WWOX: variants seen among roughly 807,000 people sequenced by gnomAD.
The protein encoded by WWOX is WW domain containing oxidoreductase, also known as WW domain-containing oxidoreductase.
In WWOX, 69 loss-of-function variants were observed where a neutral mutation model predicts 46.2. The observed-to-expected ratio is 1.49, with a 90% CI of 1.23 to 1.82. WWOX has a LOEUF of 1.82. Ranked by LOEUF, WWOX falls within the 40% of genes most tolerant of loss-of-function variation. WWOX has a pLI of 0.00. For missense variants in WWOX, 919 were observed against 542.6 expected (o/e 1.69, Z -6.89); for synonymous variants, 359 against 202.6 (o/e 1.77, Z -6.56).
intron 8 of WWOX, among the ~76,000 whole-genome samples, chr16:79,195,949 AGGT>A (rs1352703909): frequency 3.9e-5 from 6 of 152,206 alleles, no homozygotes; most frequent in Non-Finnish European, 1.5e-5. Flanking sequence ...TGGTTATCTC[AGGT>A]GGTAAAGATG....
At chr16:78,352,440 C>G (rs928377318) in intron 5 of WWOX, among the ~76,000 whole-genome samples, 1 of 152,190 alleles carries the variant, frequency 6.6e-6, no homozygotes, top group Non-Finnish European at 1.5e-5. Flanking sequence ...CTTGCTGTTT[C>G]CAGCTTCCAG....
rs557773112 is a variant in WWOX at position 78,402,295 on chromosome 16, T to A, written c.605+15347T>A. Among the ~76,000 whole-genome samples the A allele has an allele frequency of 2.0e-5, 3 of 152,320 alleles. No homozygotes were observed. In the South Asian group the frequency reaches 6.2e-4, roughly 32 times the overall value. ...ATGTTCTAGAGGTTCATTTATGTTA[T>A]TGCAAAAATCAGTACTTCATTTCTT... is the stretch of plus-strand genomic sequence containing the variant. On this transcript the variant is annotated intron_variant, in intron 6 of 8. Coordinates refer to ENST00000566780, the MANE Select transcript of WWOX (RefSeq NM_016373.4).
intron 8 of WWOX, among the ~76,000 whole-genome samples, chr16:78,726,415 G>A (rs1044720922): frequency 1.5e-4 from 23 of 151,958 alleles, no homozygotes; most frequent in African/African-American, 4.8e-4. Flanking sequence ...TTGTGGAGAC[G>A]GGGCGGGGAG....
chr16:78,352,550 C>CTCT (rs1409550682), intron 5 of WWOX, among the ~76,000 whole-genome samples: 1 of 152,206 alleles, frequency 6.6e-6, no homozygotes, highest in Non-Finnish European at 1.5e-5. Context: ...CTGGTTCTCT[C>CTCT]TCTTCTGCTT....
chr16:78,479,609 C>A lies in WWOX; in HGVS notation c.1056+46857C>A, dbSNP rs1169357611. ...TGTCCCATTCCCTAGAATAGACTGT[C>A]ACTGCTCTCGTTGCCTCCAAGGAGG... On this transcript the variant is annotated intron_variant, in intron 8 of 8. Transcript: ENST00000566780. Among the ~76,000 whole-genome samples the A allele has an allele frequency of 2.0e-5, 3 of 152,140 alleles. No individual in the cohort carries two copies. In the South Asian group the frequency reaches 6.2e-4, roughly 32 times the overall value.
intron 8 of WWOX, among the ~76,000 whole-genome samples, chr16:78,876,585 C>T (rs57002359): frequency 0.018 from 2,694 of 151,740 alleles, 82 homozygotes; most frequent in African/African-American, 0.061. Context: ...TTTGTTAATG[C>T]TTTCGACTTA....
intron 8 of WWOX, among the ~76,000 whole-genome samples, chr16:78,582,648 C>T (rs918017920): frequency 1.3e-5 from 2 of 152,156 alleles, no homozygotes; most frequent in South Asian, 4.1e-4. Context: ...TAGCCCGATA[C>T]CTCTATCTCC....
chr16:78,869,066 A>G (rs145648473), intron 8 of WWOX, among the ~76,000 whole-genome samples: 184 of 152,328 alleles, frequency 1.2e-3, no homozygotes, highest in Non-Finnish European at 1.9e-3. Flanking sequence ...ATTCAGAGAT[A>G]ACCACTGTAT....
intron 8 of WWOX, among the ~76,000 whole-genome samples, chr16:78,573,526 C>T (rs2044771364): frequency 6.6e-6 from 1 of 152,202 alleles, no homozygotes; most frequent in African/African-American, 2.4e-5. Flanking sequence ...TCACATCACT[C>T]CTCTGCTCAA....
chr16:78,970,747 CCTT>C (rs2151322789), intron 8 of WWOX, among the ~76,000 whole-genome samples: 1 of 152,202 alleles, frequency 6.6e-6, no homozygotes, highest in East Asian at 1.9e-4. Flanking sequence ...TACCTCCCCT[CCTT>C]CTTCCTTATT....
intron 8 of WWOX, among the ~76,000 whole-genome samples, chr16:78,584,155 A>G (rs1464451716): frequency 6.6e-6 from 1 of 152,174 alleles, no homozygotes; most frequent in Non-Finnish European, 1.5e-5. Flanking sequence ...TGTCTTGATC[A>G]TTTCTCCTTC....
chr16:78,585,336 T>G (rs1268586893), intron 8 of WWOX, among the ~76,000 whole-genome samples: 1 of 152,192 alleles, frequency 6.6e-6, no homozygotes, highest in Non-Finnish European at 1.5e-5. Context: ...ACCATCACCC[T>G]GGCTGCCAGC....
At chr16:78,163,809 T>A (rs1413736165) in intron 4 of WWOX, among the ~76,000 whole-genome samples, 1 of 152,206 alleles carries the variant, frequency 6.6e-6, no homozygotes. Context: ...GATGGTTAAA[T>A]GGCTGGACAT....
chr16:78,862,298 A>G (rs189749094), intron 8 of WWOX, among the ~76,000 whole-genome samples: 210 of 151,240 alleles, frequency 1.4e-3, no homozygotes, highest in Middle Eastern at 3.5e-3. Context: ...TTCTGTATCT[A>G]TACACACCTA....
intron 8 of WWOX, among the ~76,000 whole-genome samples, chr16:78,543,760 C>T (rs1025559341): frequency 6.6e-6 from 1 of 152,100 alleles, no homozygotes; most frequent in African/African-American, 2.4e-5. Flanking sequence ...TGTGAGATCC[C>T]TTGAATATAC....
intron 6 of WWOX, among the ~76,000 whole-genome samples, chr16:78,407,282 C>T (rs1322225484): frequency 1.3e-5 from 2 of 152,146 alleles, no homozygotes; most frequent in African/African-American, 4.8e-5. Context: ...TTTCCAAATA[C>T]TATGAAGTCT....
In WWOX at chr16:78,149,378, C is replaced by G. The variant is rs73566322; in HGVS notation, c.410-14805C>G. Among the ~76,000 whole-genome samples the G allele has an allele frequency of 4.1e-3, 617 of 152,282 alleles. 1 individual carries two copies. The highest frequency in any genetic ancestry group is 0.014 in the African/African-American group (596 of 41,558). On this transcript the variant is annotated intron_variant, in intron 4 of 8. Transcript: ENST00000566780. ...AAACTTATTCCTGTGGACTGGTGAT[C>G]CCATCTCACAGCCCTTACAGATAAA...
At chr16:79,125,157 G>A (rs2049724606) in intron 8 of WWOX, among the ~76,000 whole-genome samples, 1 of 151,512 alleles carries the variant, frequency 6.6e-6, no homozygotes, top group African/African-American at 2.4e-5. Context: ...CTGGAATTCA[G>A]AATGATGAAT....
At position 78,169,924 on chromosome 16, in the gene WWOX, A is replaced by G. The variant is rs531623462; in HGVS notation, c.516+5635A>G. On this transcript the variant is annotated intron_variant, in intron 5 of 8. Transcript: ENST00000566780. ...CTTCTGTTGGGGACTGGCCATTAGT[A>G]TAGCGAGGGGCCCAATAAGTGTTGT... 2.3e-3 allele frequency among the ~76,000 whole-genome samples: 349 copies of G among 152,270 alleles called. 4 individuals are homozygous for G. The highest frequency in any genetic ancestry group is 8.0e-3 in the African/African-American group (334 of 41,558).
Sources: gnomAD v4.1 joint callset for allele counts (sites outside exome capture counted in the v4.1 genomes callset) on GRCh38, gnomAD v4.1.1 for gene constraint, MANE v1.5 for transcripts, NCBI Gene and HGNC (gene_info 2026-07-23, HGNC 2026-07-21) for gene names.